MYH11: variants seen among roughly 807,000 people sequenced by gnomAD.
The protein encoded by MYH11 is myosin heavy chain 11.
Under a neutral mutation model 246.6 loss-of-function variants are expected in MYH11, and 80 were observed. The observed-to-expected ratio is 0.32, with a 90% CI of 0.27 to 0.39. MYH11 has a LOEUF of 0.39. Among genes scored for constraint, MYH11 ranks in the 10% least tolerant of loss-of-function variants. The probability of loss-of-function intolerance (pLI) is 1.00; values close to 1 mark genes in which losing one functional copy is unlikely to be tolerated. For missense variants in MYH11, 2,158 were observed against 2,546.8 expected (o/e 0.85, Z 3.29); for synonymous variants, 1,071 against 1,015.5 (o/e 1.05, Z -1.04).
At chr16:15,727,834 TG>T (rs1249166525) in intron 27 of MYH11, among the ~76,000 whole-genome samples, 1 of 151,578 alleles carries the variant, frequency 6.6e-6, no homozygotes, top group African/African-American at 2.4e-5. Context: ...TAGCTGGGTG[TG>T]GGGGGCACAC....
rs1275130204 is a variant in MYH11, at chr16:15,737,441, C to G, written c.3293+8G>C. On this transcript the variant is annotated splice_region_variant and intron_variant, in intron 25 of 40. Transcript: ENST00000300036. The stretch of plus-strand genomic sequence containing the variant: ...CACACAGCAAATGCCCCTTGCCAGC[C>G]CCGCTACCTGGCCAGGGCCGCCTGC... 6.2e-7 allele frequency: 1 copy of G among 1,611,062 alleles called. No homozygotes were observed. The highest frequency in any genetic ancestry group is 8.5e-7 in the Non-Finnish European group (1 of 1,180,020).
Position 15,724,377 on chromosome 16 carries a change from A to G in MYH11, c.4149T>C (p.Phe1383=), listed in dbSNP as rs1205492849. The G allele has an allele frequency of 6.2e-7, 1 of 1,613,970 alleles. No homozygotes were observed. Among genetic ancestry groups the G allele is most frequent in the Non-Finnish European group, 8.5e-7 (1 of 1,180,030 alleles). The change falls in exon 31 of 41, where the codon TTT becomes TTC. Residue 1383 remains phenylalanine, a synonymous_variant. Coordinates refer to ENST00000300036, the MANE Select transcript of MYH11 (RefSeq NM_002474.3). ...LSDSKKKLQD[F]ASTVEALEEG... ...CTTCCAGAGCTTCCACGGTGCTGGCAAAGTCCTGCAGCTTCTTCTTCGAGT... is the reference window on the plus strand; with the variant it reads ...CTTCCAGAGCTTCCACGGTGCTGGCGAAGTCCTGCAGCTTCTTCTTCGAGT...
intron 3 of MYH11, among the ~76,000 whole-genome samples, chr16:15,811,493 G>C (rs2043136283): frequency 2.0e-5 from 3 of 152,220 alleles, no homozygotes; most frequent in African/African-American, 4.8e-5. Context: ...CAAATGGGGA[G>C]GCTGCCACCC....
At chr16:15,763,738 A>AGCTCGGGGGCCCCCCC in intron 10 of MYH11, 58 bp downstream of exon 10, 1 of 717,694 alleles carries the variant, frequency 1.4e-6, no homozygotes, top group Non-Finnish European at 2.6e-6. Flanking sequence ...GTTAAATGTC[A>AGCTCGGGGGCCCCCCC]CCTCCCCCAC....
chr16:15,845,006 T>C (rs1014700852), intron 1 of MYH11, among the ~76,000 whole-genome samples: 1 of 152,204 alleles, frequency 6.6e-6, no homozygotes, highest in African/African-American at 2.4e-5. Flanking sequence ...TAACCTGTAG[T>C]CATGTAAAGA....
At chr16:15,833,401 A>AAGGG in intron 2 of MYH11, among the ~76,000 whole-genome samples, 2 of 74,528 alleles carry the variant, frequency 2.7e-5, no homozygotes, top group Non-Finnish European at 6.5e-5. Context: ...GGAAGGAAGG[A>AAGGG]AGGAAGGAAG....
In MYH11 at chr16:15,753,012, G is replaced by A. The variant is rs546693446; in HGVS notation, c.1864+382C>T. Among the ~76,000 whole-genome samples the A allele has an allele frequency of 3.3e-5, 5 of 152,248 alleles. No individual in the cohort carries two copies. The East Asian group carries it at 9.7e-4, about 29-fold the overall frequency. ...TTGCATCTCCTGTTTTACTAATGAGGACAATGAAGCTTAATGACATCAAGT... is the reference window on the plus strand; with the variant it reads ...TTGCATCTCCTGTTTTACTAATGAGAACAATGAAGCTTAATGACATCAAGT... On this transcript the variant is annotated intron_variant, in intron 15 of 40. Coordinates refer to ENST00000300036, the MANE Select transcript of MYH11 (RefSeq NM_002474.3).
chr16:15,761,176 T>A (rs1021518971), intron 10 of MYH11, among the ~76,000 whole-genome samples: 1 of 151,510 alleles, frequency 6.6e-6, no homozygotes, highest in East Asian at 2.0e-4. Context: ...AGTGGCGCGA[T>A]CTCAGCTCAC....
At chr16:15,718,898 T>G in intron 36 of MYH11, 2 of 419,714 alleles carry the variant, frequency 4.8e-6, no homozygotes, top group African/African-American at 4.1e-5. Flanking sequence ...GAGGCCAAGG[T>G]AGGAGGATCA....
Position 15,720,295 on chromosome 16 carries a change from C to T in MYH11, c.4809G>A (p.Thr1603=), listed in dbSNP as rs140577744. Residue 1603 remains threonine, a synonymous_variant, in exon 34 of 41, where the codon ACG becomes ACA. Coordinates refer to ENST00000300036, the MANE Select transcript of MYH11 (RefSeq NM_002474.3). ...QLQRQLHEYE[T]ELEDERKQRA... is the part of the protein sequence containing the mutation. The stretch of plus-strand genomic sequence containing the variant: ...GTTGCTTTCGCTCGTCTTCCAGTTC[C>T]GTCTCATACTCGTGAAGCTGGGCGA... 1.1e-4 allele frequency: 173 copies of T among 1,613,982 alleles called. No individual in the cohort carries two copies. Among genetic ancestry groups the T allele is most frequent in the Non-Finnish European group, 1.3e-4 (150 of 1,180,002 alleles).
At chr16:15,780,865 C>A (rs920084128) in intron 6 of MYH11, among the ~76,000 whole-genome samples, 2 of 152,182 alleles carry the variant, frequency 1.3e-5, no homozygotes, top group Admixed American at 1.3e-4. Flanking sequence ...ATCTGTGTGA[C>A]TCTAGAGAAG....
At chr16:15,818,090 C>T (rs2151351283) in intron 3 of MYH11, among the ~76,000 whole-genome samples, 1 of 152,332 alleles carries the variant, frequency 6.6e-6, no homozygotes, top group South Asian at 2.1e-4. Flanking sequence ...GTCTATGTGA[C>T]ACAACTGCAA....
At chr16:15,770,506 T>C (rs1640414726) in intron 9 of MYH11, among the ~76,000 whole-genome samples, 1 of 152,154 alleles carries the variant, frequency 6.6e-6, no homozygotes, top group African/African-American at 2.4e-5. Flanking sequence ...CAAGACCCAG[T>C]GTGTTTCTTG....
chr16:15,793,240 TA>T (rs1481067798), intron 4 of MYH11, among the ~76,000 whole-genome samples: 1 of 152,234 alleles, frequency 6.6e-6, no homozygotes, highest in East Asian at 1.9e-4. Context: ...AACTCAGGCC[TA>T]AAAATTACAT....
intron 34 of MYH11, 116 bp downstream of exon 34, chr16:15,720,035 C>T (rs1021492748): frequency 2.8e-6 from 4 of 1,406,202 alleles, no homozygotes; most frequent in Admixed American, 3.4e-5. Context: ...CCCAGCTGAA[C>T]CCACACCAAT....
chr16:15,747,498 G>T, intron 19 of MYH11, 72 bp downstream of exon 19: 1 of 1,582,498 alleles, frequency 6.3e-7, no homozygotes, highest in South Asian at 1.1e-5. Context: ...CTTAGAATCA[G>T]GGAATCAGAA....
At chr16:15,744,176 T>G (rs1460364323) in intron 20 of MYH11, among the ~76,000 whole-genome samples, 1 of 152,010 alleles carries the variant, frequency 6.6e-6, no homozygotes, top group African/African-American at 2.4e-5. Context: ...GCTCTCTAAT[T>G]CCATGTATAG....
intron 1 of MYH11, among the ~76,000 whole-genome samples, chr16:15,845,501 C>T (rs529843438): frequency 6.5e-4 from 99 of 152,138 alleles, no homozygotes; most frequent in Non-Finnish European, 9.8e-4. Flanking sequence ...TAACCAATAG[C>T]ATTTACTACT....
intron 40 of MYH11, 112 bp downstream of exon 40, chr16:15,714,797 G>A: frequency 7.7e-7 from 1 of 1,305,946 alleles, no homozygotes; most frequent in South Asian, 1.2e-5. Flanking sequence ...AACCACAGAA[G>A]GGAGTGGCGG....
Sources: allele counts gnomAD v4.1 joint callset (sites outside exome capture counted in the v4.1 genomes callset), GRCh38; gene constraint gnomAD v4.1.1; transcripts MANE v1.5; gene names NCBI Gene and HGNC (gene_info 2026-07-23, HGNC 2026-07-21).